Variants in SF1 observed in about 807,000 individuals in gnomAD.
The protein encoded by SF1 is branch point-binding protein.
SF1 carries 7 observed loss-of-function variants against 62.5 expected under a neutral mutation model. The observed-to-expected ratio is 0.11, with a 90% CI of 0.06 to 0.21. The LOEUF (loss-of-function observed/expected upper bound fraction) is 0.21, where lower values mean the gene tolerates loss of function less well. Ranked by LOEUF, SF1 falls within the 10% of genes least tolerant of loss-of-function variation. SF1 has a pLI of 1.00. For missense variants in SF1, 578 were observed against 884.0 expected, an observed-to-expected ratio of 0.65 and a Z score of 4.39; for synonymous variants, 394 against 323.6, an observed-to-expected ratio of 1.22 and a Z score of -2.33.
chr11:64,777,366 A>T (rs2135989414), intron 1 of SF1: 1 of 383,326 alleles, frequency 2.6e-6, no homozygotes, highest in Admixed American at 6.4e-5. Flanking sequence ...TTTTTAAAAC[A>T]AAGCGACAGG....
In SF1 at chr11:64,766,015, G is replaced by C. The variant is rs765615766; in HGVS notation, c.1723C>G (p.Pro575Ala). The change falls in exon 13 of 13, where the codon CCG becomes GCG. Residue 575 changes from proline to alanine, a missense_variant. By Grantham distance (27) the Pro-to-Ala change is conservative. Coordinates refer to ENST00000377390, the MANE Select transcript of SF1 (RefSeq NM_004630.4). ...TMVPLPPGVQ[P>A]PLPPGAPPPP... ...GGAGGGGCCCCAGGCGGCAGAGGCG[G>C]CTGGACCCCGGGGGGCAGGGGCACC... The C allele has an allele frequency of 2.5e-6, 4 of 1,607,642 alleles. No individual in the cohort carries two copies. The East Asian group carries it at 8.9e-5, about 36-fold the overall frequency.
In SF1 at chr11:64,766,059, A is replaced by T; in HGVS notation, c.1679T>A (p.Met560Lys). The change falls in exon 13 of 13, where the codon ATG becomes AAG. Residue 560 changes from methionine to lysine, a missense_variant. Met to Lys is a moderately conservative substitution (Grantham distance 95). Coordinates refer to ENST00000377390, the MANE Select transcript of SF1 (RefSeq NM_004630.4). ...GGGCACCATAGTGGGGTTGCCTTGC[A>T]TCTGAGGGGCTCCTGGAGAAGCTGC... ...AAAASPGAPQ[M>K]QGNPTMVPLP... 1 of 1,611,908 alleles carries T rather than the reference A, an allele frequency of 6.2e-7. No individual in the cohort carries two copies. The highest frequency in any genetic ancestry group is 8.5e-7 in the Non-Finnish European group (1 of 1,179,604).
At chr11:64,778,285 G>C in intron 1 of SF1, 77 bp downstream of exon 1, 2 of 1,215,648 alleles carry the variant, frequency 1.6e-6, no homozygotes, top group Non-Finnish European at 2.0e-6. Flanking sequence ...CCCCAGGCCC[G>C]GGTGCAGGCG....
At position 64,765,430 on chromosome 11, in the gene SF1, G is replaced by T; in HGVS notation, c.*388C>A. 1 of 1,566,820 alleles carries T rather than the reference G, an allele frequency of 6.4e-7. No homozygotes were observed. The highest frequency in any genetic ancestry group is 8.8e-7 in the Non-Finnish European group (1 of 1,137,188). Reference sequence around the variant, plus strand: ...AACCATCCTGTCCACCAGGGGCGTTGCTGAGGCTGTCTGCCTGGAAGGGTC... The same window carrying T: ...AACCATCCTGTCCACCAGGGGCGTTTCTGAGGCTGTCTGCCTGGAAGGGTC... On this transcript the variant is annotated 3_prime_UTR_variant, in exon 13 of 13. Coordinates refer to ENST00000377390, the MANE Select transcript of SF1 (RefSeq NM_004630.4).
intron 3 of SF1, 102 bp from the exon 4 acceptor site, chr11:64,770,510 A>C: frequency 1.6e-6 from 2 of 1,275,656 alleles, no homozygotes; most frequent in African/African-American, 1.5e-5. Context: ...TCAGACCCTA[A>C]TACAACACTC....
In SF1 at chr11:64,765,772, G is replaced by T. The variant is rs1166300315; in HGVS notation, c.*46C>A. 2 of 1,495,992 alleles carry T rather than the reference G, an allele frequency of 1.3e-6. No homozygotes were observed. The allele number at this position is 1,495,992 out of a possible 1,614,324, so 92.7% of individuals were successfully genotyped here. On this transcript the variant is annotated 3_prime_UTR_variant, in exon 13 of 13. Transcript: ENST00000377390. ...GGTGAGGTTCGGCGTGTTTAAACGA[G>T]ACCAATTCTCTCTATATATAATATA...
At chr11:64,766,543 C>G (rs921541006) in intron 12 of SF1, 22 of 414,160 alleles carry the variant, frequency 5.3e-5, no homozygotes, top group Non-Finnish European at 9.1e-5. Context: ...TCACCCCAAT[C>G]GCAGCCCTTG....
Position 64,778,519 on chromosome 11 carries a change from GGGC to G in SF1, c.-130_-128del, listed in dbSNP as rs557139628. On this transcript the variant is annotated 5_prime_UTR_variant, in exon 1 of 13. Coordinates refer to ENST00000377390, the MANE Select transcript of SF1 (RefSeq NM_004630.4). ...CGCGGAGCCCGTCCTCTCACGCGGC[GGGC>G]GGCGGCGGCGCGAGACGCACAAAGA... The G allele has an allele frequency of 5.0e-6, 6 of 1,202,168 alleles. No individual in the cohort carries two copies. The highest frequency in any genetic ancestry group is 3.4e-5 in the East Asian group (1 of 29,448). The allele number at this position is 1,202,168 out of a possible 1,614,324, so 74.5% of individuals were successfully genotyped here.
At chr11:64,768,364 C>A in intron 8 of SF1, 78 bp from the exon 9 acceptor site, 1 of 1,387,830 alleles carries the variant, frequency 7.2e-7, no homozygotes, top group African/African-American at 1.4e-5. Flanking sequence ...GAGGAACCAA[C>A]ATATGGAAAG....
rs1938510577 is a variant in SF1, at chr11:64,772,624, G to A, written c.236+806C>T. The A allele has an allele frequency of 5.1e-6, 5 of 984,740 alleles. No homozygotes were observed. In the African/African-American group the frequency reaches 7.0e-5, roughly 14 times the overall value. 61.0% of individuals were successfully genotyped at this position (984,740 alleles called of 1,614,324 possible). ...TGTATGTACTAAGAGAAAATTCAGT[G>A]AGAGGGAGAGACTTACTGCCCTTCT... On this transcript the variant is annotated intron_variant, in intron 3 of 12. Coordinates refer to ENST00000377390, the MANE Select transcript of SF1 (RefSeq NM_004630.4).
chr11:64,766,835 C>T, intron 12 of SF1, 65 bp downstream of exon 12: 1 of 1,313,532 alleles, frequency 7.6e-7, no homozygotes, highest in Non-Finnish European at 1.0e-6. Context: ...GTGTGAGGCT[C>T]TATGGTTCCT....
chr11:64,765,544 A>C lies in SF1; in HGVS notation c.*274T>G. 6.3e-7 allele frequency: 1 copy of C among 1,599,138 alleles called. No homozygotes were observed. Among genetic ancestry groups the C allele is most frequent in the South Asian group, 1.1e-5 (1 of 89,062 alleles). ...CTGGCGGCCCGGTTTGGGGAGAGGC[A>C]AAGGGAGTTGGGTGAGGAGAGAAAG... is the stretch of plus-strand genomic sequence containing the variant. On this transcript the variant is annotated 3_prime_UTR_variant, in exon 13 of 13. Transcript: ENST00000377390.
In SF1 at chr11:64,765,228, G is replaced by A. The variant is rs1473488468; in HGVS notation, c.*590C>T. 4.4e-6 allele frequency: 2 copies of A among 459,636 alleles called. No individual in the cohort carries two copies. The allele number at this position is 459,636 out of a possible 1,614,324, so 28.5% of individuals were successfully genotyped here. A position where few individuals can be genotyped will look rare whatever the true frequency, so the allele number is the denominator to read the frequency against. On this transcript the variant is annotated 3_prime_UTR_variant, in exon 13 of 13. Transcript: ENST00000377390. ...TAAGGGAAGGAGAACTGGAGAGAAG[G>A]GAAAGGAATCTAAATTGCAGCAGAA...
intron 2 of SF1, 41 bp from the exon 3 acceptor site, chr11:64,773,546 A>G (rs1462201075): frequency 6.3e-6 from 10 of 1,588,114 alleles, no homozygotes; most frequent in African/African-American, 4.1e-5. Flanking sequence ...AAGGATGGAA[A>G]AAAGACAATG....
rs1939682730 is a variant in SF1, at chr11:64,778,122, A to C, written c.31+240T>G. 3 of 788,328 alleles carry C rather than the reference A, an allele frequency of 3.8e-6. No individual in the cohort carries two copies. The highest frequency in any genetic ancestry group is 3.1e-6 in the Non-Finnish European group (2 of 642,288). 48.8% of individuals were successfully genotyped at this position (788,328 alleles called of 1,614,324 possible). On this transcript the variant is annotated intron_variant, in intron 1 of 12. Coordinates refer to ENST00000377390, the MANE Select transcript of SF1 (RefSeq NM_004630.4). ...GGCGGCGGGTACGAGGCGCCGGGGG[A>C]CGGTGGCGGTGGAGGCGGCGGCGGC... is the stretch of plus-strand genomic sequence containing the variant.
At chr11:64,778,025 CGCG>C in intron 1 of SF1, 1 of 1,007,046 alleles carries the variant, frequency 9.9e-7, no homozygotes, top group South Asian at 4.5e-5. Flanking sequence ...CTGGTCCTTA[CGCG>C]GCGGCTGGGG....
intron 3 of SF1, 64 bp from the exon 4 acceptor site, chr11:64,770,472 A>G (rs1938137463): frequency 2.6e-6 from 4 of 1,567,036 alleles, no homozygotes; most frequent in Admixed American, 3.4e-5. Flanking sequence ...CACGGACTAT[A>G]ACAAGTCTTT....
chr11:64,765,444 C>A lies in SF1; in HGVS notation c.*374G>T, dbSNP rs746199390. On this transcript the variant is annotated 3_prime_UTR_variant, in exon 13 of 13. Transcript: ENST00000377390. ...CCAGGGGCGTTGCTGAGGCTGTCTG[C>A]CTGGAAGGGTCACCAATGGGCGCGG... 1 of 1,604,104 alleles carries A rather than the reference C, an allele frequency of 6.2e-7. No homozygotes were observed. Among genetic ancestry groups the A allele is most frequent in the Non-Finnish European group, 8.5e-7 (1 of 1,171,180 alleles).
chr11:64,773,905 G>A (rs191986077), intron 2 of SF1, among the ~76,000 whole-genome samples: 4 of 152,100 alleles, frequency 2.6e-5, no homozygotes, highest in East Asian at 1.9e-4. Flanking sequence ...ATTACTTGAG[G>A]GCAAGAATTG....
Sources: gnomAD v4.1 joint callset for allele counts (sites outside exome capture counted in the v4.1 genomes callset) on GRCh38, gnomAD v4.1.1 for gene constraint, MANE v1.5 for transcripts, NCBI Gene and HGNC (gene_info 2026-07-23, HGNC 2026-07-21) for gene names.